Variants in FGF12 observed in about 807,000 individuals in gnomAD.
FGF12 encodes the protein fibroblast growth factor 12.
A neutral mutation model predicts 23.6 loss-of-function variants in FGF12; 14 were observed. The observed-to-expected ratio is 0.59, with a 90% CI of 0.39 to 0.93. FGF12 has a LOEUF of 0.93. Ranked by LOEUF, FGF12 falls within the 40% of genes least tolerant of loss-of-function variation. FGF12 has a pLI of 0.00. For synonymous variants in FGF12, 62 were observed against 77.3 expected (o/e 0.80, Z 1.04); for missense variants, 175 against 217.8 (o/e 0.80, Z 1.24).
chr3:192,378,026 T>TTTTCTTTC (rs202170804), intron 2 of FGF12, among the ~76,000 whole-genome samples: 3,624 of 68,974 alleles, frequency 0.053, 194 homozygotes, highest in Non-Finnish European at 0.067. Flanking sequence ...TGACTCTTTC[T>TTTTCTTTC]TTTCTTTCTT....
intron 4 of FGF12, among the ~76,000 whole-genome samples, chr3:192,259,550 T>TAA (rs1712612096): frequency 6.6e-6 from 1 of 152,164 alleles, no homozygotes; most frequent in Non-Finnish European, 1.5e-5. Flanking sequence ...ATGCCATGTA[T>TAA]AAATATTCAT....
At chr3:192,557,366 G>A (rs1275837294) in intron 2 of FGF12, among the ~76,000 whole-genome samples, 1 of 151,484 alleles carries the variant, frequency 6.6e-6, no homozygotes, top group East Asian at 1.9e-4. Context: ...TACAACTCAT[G>A]CCACAGACAT....
chr3:192,241,788 C>T (rs914040156), intron 4 of FGF12, among the ~76,000 whole-genome samples: 2 of 152,154 alleles, frequency 1.3e-5, no homozygotes, highest in Non-Finnish European at 2.9e-5. Context: ...GCACCTGGAA[C>T]ATTGCCTGGC....
At chr3:192,460,136 A>T (rs1033869447) in intron 2 of FGF12, among the ~76,000 whole-genome samples, 1 of 152,102 alleles carries the variant, frequency 6.6e-6, no homozygotes, top group African/African-American at 2.4e-5. Context: ...GGAGTTAGGG[A>T]ACACTCTGTT....
At chr3:192,506,731 T>C (rs1034670915) in intron 2 of FGF12, among the ~76,000 whole-genome samples, 2 of 152,152 alleles carry the variant, frequency 1.3e-5, no homozygotes, top group Non-Finnish European at 2.9e-5. Flanking sequence ...GGGATGGCTT[T>C]AGATTCTATT....
chr3:192,704,574 C>A (rs1037852138), intron 2 of FGF12, among the ~76,000 whole-genome samples: 2 of 152,148 alleles, frequency 1.3e-5, no homozygotes, highest in Non-Finnish European at 2.9e-5. Flanking sequence ...ACATAATTCT[C>A]AAGGGCCCTA....
chr3:192,144,202 T>C (rs577855822), intron 5 of FGF12, 75 bp from the exon 6 acceptor site: 7 of 822,422 alleles, frequency 8.5e-6, no homozygotes, highest in Non-Finnish European at 1.4e-5. Context: ...CAAATTTGAT[T>C]TTACAATATT....
chr3:192,658,843 C>T (rs7633689), intron 2 of FGF12, among the ~76,000 whole-genome samples: 84,902 of 151,200 alleles, frequency 0.56, 24,240 homozygotes, highest in East Asian at 0.66. Context: ...TATAGGCTTT[C>T]CATTTGTTCT....
chr3:192,298,306 A>C (rs1222199050), intron 4 of FGF12, among the ~76,000 whole-genome samples: 1 of 152,240 alleles, frequency 6.6e-6, no homozygotes, highest in African/African-American at 2.4e-5. Context: ...TATATAGGTA[A>C]GTGAAAAATG....
At chr3:192,541,915 C>T (rs1909962) in intron 2 of FGF12, among the ~76,000 whole-genome samples, 40,746 of 150,822 alleles carry the variant, frequency 0.27, 5,758 homozygotes, top group Middle Eastern at 0.43. Flanking sequence ...CTCCATTGTA[C>T]GTTATTCATT....
chr3:192,204,712 C>G (rs1383553024), intron 4 of FGF12, among the ~76,000 whole-genome samples: 2 of 151,924 alleles, frequency 1.3e-5, no homozygotes, highest in Non-Finnish European at 2.9e-5. Flanking sequence ...GTGGCAAAAC[C>G]CCATCTCTAC....
At chr3:192,523,316 A>AG (rs1450334324) in intron 2 of FGF12, among the ~76,000 whole-genome samples, 2 of 152,220 alleles carry the variant, frequency 1.3e-5, no homozygotes, top group Admixed American at 1.3e-4. Context: ...TCTAGGATGA[A>AG]GGGATGCATG....
intron 4 of FGF12, among the ~76,000 whole-genome samples, chr3:192,184,394 A>C (rs1716343229): frequency 6.6e-6 from 1 of 152,166 alleles, no homozygotes; most frequent in Admixed American, 6.5e-5. Context: ...TTTGCTCTTG[A>C]TTCCATAAAG....
chr3:192,514,858 G>C lies in FGF12; in HGVS notation c.14-154320C>G, dbSNP rs1310512335. On this transcript the variant is annotated intron_variant, in intron 2 of 5. Transcript: ENST00000445105. This position sits in a 1 kb window ranked among gnomAD's most constrained non-coding sequence, Gnocchi z 4.9. ...TCGGAAGCCGGGTCCCGAGTCCATCGCGCGCGCCCAGGTGGAGGGGAGTTT... is the reference window on the plus strand; with the variant it reads ...TCGGAAGCCGGGTCCCGAGTCCATCCCGCGCGCCCAGGTGGAGGGGAGTTT... The C allele has an allele frequency of 1.0e-6, 1 of 985,174 alleles. No homozygotes were observed. The highest frequency in any genetic ancestry group is 1.2e-6 in the Non-Finnish European group (1 of 829,896). The allele number at this position is 985,174 out of a possible 1,614,324, so 61.0% of individuals were successfully genotyped here.
chr3:192,313,038 T>C (rs941204592), intron 4 of FGF12, among the ~76,000 whole-genome samples: 1 of 152,226 alleles, frequency 6.6e-6, no homozygotes, highest in African/African-American at 2.4e-5. Context: ...ATGTTTTAGC[T>C]TAAGTATTAC....
rs755973373 is a variant in FGF12 at position 192,335,483 on chromosome 3, G to C, written c.125-19C>G. The C allele has an allele frequency of 6.7e-7, 1 of 1,485,352 alleles. No individual in the cohort carries two copies. Among genetic ancestry groups the C allele is most frequent in the Non-Finnish European group, 9.4e-7 (1 of 1,063,392 alleles). 92.0% of individuals were successfully genotyped at this position (1,485,352 alleles called of 1,614,324 possible). A position where few individuals can be genotyped will look rare whatever the true frequency, so the allele number is the denominator to read the frequency against. Reference sequence around the variant, plus strand: ...AAGAGAGCTGGGGGGAGAAAAAGAAGGGCGGAAAGGATCAGTGACCTTTTG... The same window carrying C: ...AAGAGAGCTGGGGGGAGAAAAAGAACGGCGGAAAGGATCAGTGACCTTTTG... On this transcript the variant is annotated intron_variant, in intron 3 of 5. Coordinates refer to ENST00000445105, the MANE Select transcript of FGF12 (RefSeq NM_004113.6).
At chr3:192,248,091 C>T (rs74849084) in intron 4 of FGF12, among the ~76,000 whole-genome samples, 1,746 of 152,174 alleles carry the variant, frequency 0.011, 27 homozygotes, top group African/African-American at 0.029. Context: ...CTAGAATCAA[C>T]GGAACCAAAC....
intron 2 of FGF12, among the ~76,000 whole-genome samples, chr3:192,667,573 T>C (rs1295820192): frequency 7.5e-6 from 1 of 132,540 alleles, no homozygotes; most frequent in Non-Finnish European, 1.5e-5. Context: ...TCGCTGCCAC[T>C]GCACTCCAGC....
chr3:192,475,378 G>C (rs1723288376), intron 2 of FGF12, among the ~76,000 whole-genome samples: 1 of 152,154 alleles, frequency 6.6e-6, no homozygotes, highest in Admixed American at 6.5e-5. Context: ...CGGAATGACT[G>C]GGACACAGAA....
Sources: allele counts gnomAD v4.1 joint callset (sites outside exome capture counted in the v4.1 genomes callset), GRCh38; gene constraint gnomAD v4.1.1; non-coding constraint Gnocchi (gnomAD v3.1); transcripts MANE v1.5; gene names NCBI Gene and HGNC (gene_info 2026-07-23, HGNC 2026-07-21).